The following FXR1 variants were observed in gnomAD, a reference collection of about 807,000 sequenced individuals.
The protein encoded by FXR1 is FMR1 autosomal homolog 1, also known as RNA-binding protein FXR1.
In FXR1, 15 loss-of-function variants were observed where a neutral mutation model predicts 84.0. The observed-to-expected ratio is 0.18, with a 90% CI of 0.12 to 0.27. The LOEUF (loss-of-function observed/expected upper bound fraction) is 0.27. Among genes scored for constraint, FXR1 ranks in the 10% least tolerant of loss-of-function variants. The pLI, the probability that FXR1 is intolerant of heterozygous loss-of-function variation, is 1.00. For missense variants in FXR1, 480 were observed against 774.4 expected (o/e 0.62, Z 4.51); for synonymous variants, 245 against 250.7 (o/e 0.98, Z 0.21).
Position 180,949,236 on chromosome 3 carries a change from G to A in FXR1, c.523G>A (p.Glu175Lys). 6.4e-7 allele frequency: 1 copy of A among 1,559,036 alleles called. No homozygotes were observed. Among genetic ancestry groups the A allele is most frequent in the Non-Finnish European group, 8.9e-7 (1 of 1,129,692 alleles). The change falls in exon 7 of 17, where the codon GAA becomes AAA. Residue 175 changes from glutamate to lysine, a missense_variant. Physicochemically the swap from Glu to Lys is moderately conservative, Grantham distance 56. Transcript: ENST00000357559. ...GCTTGTTTGTTTATAGTCTGCCAGT[G>A]AAGCAACTGTGAAGAGAGTAAACAT... ...TTQLMILSAS[E>K]ATVKRVNILS...
Position 180,974,343 on chromosome 3 carries a change from A to G in FXR1, c.1604-970A>G, listed in dbSNP as rs780559742. Among the ~76,000 whole-genome samples the G allele has an allele frequency of 3.9e-5, 6 of 152,052 alleles. 1 individual carries two copies. The highest frequency in any genetic ancestry group is 3.3e-4 in the Admixed American group (5 of 15,256). ...TGGCTAATTCTGACGGGGTTTCACC[A>G]TGTTGGTCAGGCTGGTCTCGAACTC... On this transcript the variant is annotated intron_variant, in intron 15 of 16. Transcript: ENST00000357559.
In FXR1 at chr3:180,953,773, T is replaced by G. The variant is rs1352906534; in HGVS notation, c.813T>G (p.Ala271=). Residue 271 remains alanine (A), a synonymous_variant, in exon 9 of 17, where the codon GCT becomes GCG. Transcript: ENST00000357559. The stretch of plus-strand genomic sequence containing the variant: ...CCCCTCATCTACAGAGTGCTGATGC[T>G]GTAAAAAAGGCTAGAGGTTTCTTGG... ...TFRIYGESAD[A]VKKARGFLEF... The G allele has an allele frequency of 4.5e-6, 7 of 1,566,326 alleles. No homozygotes were observed. Among genetic ancestry groups the G allele is most frequent in the Non-Finnish European group, 6.2e-6 (7 of 1,137,480 alleles).
chr3:180,961,452 T>C lies in FXR1; in HGVS notation c.991-16T>C, dbSNP rs746946133. 38 of 1,409,184 alleles carry C rather than the reference T, an allele frequency of 2.7e-5. No individual in the cohort carries two copies. In the East Asian group the frequency reaches 7.5e-4, roughly 28 times the overall value. The allele number at this position is 1,409,184 out of a possible 1,614,324, so 87.3% of individuals were successfully genotyped here. A position where few individuals can be genotyped will look rare whatever the true frequency, so the allele number is the denominator to read the frequency against. ...AAAATATTAAACACTGAATACTTTT[T>C]TTTTTTTTTAAACAGGGTATGGTTC... On this transcript the variant is annotated splice_polypyrimidine_tract_variant and intron_variant, in intron 10 of 16. Transcript: ENST00000357559.
At chr3:180,921,123 A>T (rs1483047153) in intron 1 of FXR1, among the ~76,000 whole-genome samples, 2 of 151,952 alleles carry the variant, frequency 1.3e-5, no homozygotes. Flanking sequence ...TAATCCCAGC[A>T]CTTTGGGAGG....
intron 3 of FXR1, among the ~76,000 whole-genome samples, chr3:180,944,834 G>A (rs114722491): frequency 0.02 from 2,980 of 152,282 alleles, 31 homozygotes; most frequent in Middle Eastern, 0.034. Flanking sequence ...TGTTGTCCAG[G>A]CTGGTCTCGA....
At chr3:180,942,094 T>A (rs542946039) in intron 3 of FXR1, among the ~76,000 whole-genome samples, 13 of 152,020 alleles carry the variant, frequency 8.6e-5, no homozygotes, top group African/African-American at 2.9e-4. Flanking sequence ...AAGGCATAGG[T>A]TGGGCCAGGT....
intron 1 of FXR1, among the ~76,000 whole-genome samples, chr3:180,926,506 A>ATATATATATATATATATATATTT (rs72192827): frequency 8.0e-6 from 1 of 124,394 alleles, no homozygotes; most frequent in African/African-American, 2.9e-5. Flanking sequence ...ATATATATAT[A>ATATATATATATATATATATATTT]TTTTTTTTTC....
intron 3 of FXR1, among the ~76,000 whole-genome samples, chr3:180,944,132 C>G (rs944971491): frequency 1.3e-5 from 2 of 151,722 alleles, no homozygotes; most frequent in African/African-American, 4.8e-5. Flanking sequence ...AGGCTGGTCT[C>G]GAACTCCTGA....
chr3:180,971,727 A>C (rs1713613430), intron 15 of FXR1: 1 of 152,656 alleles, frequency 6.6e-6, no homozygotes, highest in Admixed American at 6.5e-5. Flanking sequence ...AATAATACTT[A>C]CTTAGTTTTA....
chr3:180,915,672 A>G (rs754872983), intron 1 of FXR1: 19 of 702,790 alleles, frequency 2.7e-5, no homozygotes, highest in South Asian at 1.6e-4. Flanking sequence ...CTTACCCCGT[A>G]TAGGCAGAAG....
intron 1 of FXR1, among the ~76,000 whole-genome samples, chr3:180,920,517 CTTT>C (rs11359852): frequency 1.6e-4 from 21 of 127,312 alleles, no homozygotes; most frequent in East Asian, 4.7e-4. Context: ...TAGTTTTGTT[CTTT>C]TTTTTTTTTT....
chr3:180,975,790 T>C (rs746614004), intron 16 of FXR1, among the ~76,000 whole-genome samples: 20 of 152,154 alleles, frequency 1.3e-4, no homozygotes, highest in Admixed American at 3.3e-4. Context: ...ATAAGGTGAG[T>C]AAAGTAGGTG....
In FXR1 at chr3:180,971,206, T is replaced by G. The variant is rs561978435; in HGVS notation, c.1603+848T>G. On this transcript the variant is annotated intron_variant, in intron 15 of 16. Coordinates refer to ENST00000357559, the MANE Select transcript of FXR1 (RefSeq NM_005087.4). ...CATCAGGTCACAAGCATGAAAAAAA[T>G]GTCTATGTCTGCTTTCTAAATATAT... 8.8e-5 allele frequency: 51 copies of G among 577,738 alleles called. 1 individual carries two copies. In the South Asian group the frequency reaches 9.1e-4, roughly 10 times the overall value. 35.8% of individuals were successfully genotyped at this position (577,738 alleles called of 1,614,324 possible).
At chr3:180,927,891 G>A in intron 1 of FXR1, 1 of 369,296 alleles carries the variant, frequency 2.7e-6, no homozygotes, top group Non-Finnish European at 4.8e-6. Context: ...TATTTGAATT[G>A]GGGATTTAAC....
At chr3:180,951,594 G>A (rs953480919) in intron 8 of FXR1, 126 bp downstream of exon 8, 1 of 665,062 alleles carries the variant, frequency 1.5e-6, no homozygotes, top group Non-Finnish European at 2.5e-6. Flanking sequence ...ATTAGCATCA[G>A]TCAGCCTAGT....
intron 3 of FXR1, among the ~76,000 whole-genome samples, chr3:180,944,745 C>G (rs1307822435): frequency 6.6e-6 from 1 of 152,174 alleles, no homozygotes; most frequent in Non-Finnish European, 1.5e-5. Context: ...ACCCCAGGCC[C>G]CCAAGTAGCT....
intron 1 of FXR1, 109 bp downstream of exon 1, chr3:180,912,845 C>A: frequency 6.3e-7 from 1 of 1,594,508 alleles, no homozygotes; most frequent in African/African-American, 1.3e-5. Context: ...GCAGCCAGGC[C>A]AAAGCTCGAG....
rs759723969 is a variant in FXR1 at position 180,968,076 on chromosome 3, C to T, written c.1224C>T (p.Pro408=). 17 of 1,612,512 alleles carry T rather than the reference C, an allele frequency of 1.1e-5. No individual in the cohort carries two copies. The highest frequency in any genetic ancestry group is 1.4e-5 in the Non-Finnish European group (16 of 1,178,698). Residue 408 remains proline (P), a synonymous_variant, in exon 14 of 17, where the codon CCC becomes CCT. Transcript: ENST00000357559. ...GYGTNSELSN[P]SETESERKDE... is the part of the protein sequence containing the mutation. Reference sequence around the variant, plus strand: ...GTACAAATTCTGAGCTGTCTAACCCCTCTGAAACGGAATCTGAGCGTAAAG... The same window carrying T: ...GTACAAATTCTGAGCTGTCTAACCCTTCTGAAACGGAATCTGAGCGTAAAG...
At chr3:180,915,751 AGTACTC>A (rs1717822012) in intron 1 of FXR1, 1 of 636,514 alleles carries the variant, frequency 1.6e-6, no homozygotes, top group South Asian at 1.7e-5. Context: ...GCCTTGAGGC[AGTACTC>A]TGTAGACTTT....
Sources: allele counts gnomAD v4.1 joint callset (sites outside exome capture counted in the v4.1 genomes callset), GRCh38; gene constraint gnomAD v4.1.1; transcripts MANE v1.5; gene names NCBI Gene and HGNC (gene_info 2026-07-23, HGNC 2026-07-21).